Variants in PTPRK observed in about 807,000 individuals in gnomAD.
PTPRK encodes receptor-type tyrosine-protein phosphatase kappa.
In PTPRK, 75 loss-of-function variants were observed where a neutral mutation model predicts 178.0. The ratio of observed to expected loss-of-function variants is 0.42; its 90% CI spans 0.35 to 0.51. The LOEUF is 0.51. Ranked by LOEUF, PTPRK falls within the 20% of genes least tolerant of loss-of-function variation. The pLI, the probability that PTPRK is intolerant of heterozygous loss-of-function variation, is 0.02. For missense variants in PTPRK, 1,441 were observed against 1,797.8 expected (o/e 0.80, Z 3.59); for synonymous variants, 637 against 620.6 (o/e 1.03, Z -0.39).
chr6:128,344,947 G>A (rs1458294432), intron 2 of PTPRK, among the ~76,000 whole-genome samples: 2 of 151,770 alleles, frequency 1.3e-5, no homozygotes, highest in Non-Finnish European at 2.9e-5. Flanking sequence ...ATGATAAAGG[G>A]TAAAAAGTTA....
At chr6:128,185,192 T>C (rs541216756) in intron 6 of PTPRK, among the ~76,000 whole-genome samples, 2 of 152,284 alleles carry the variant, frequency 1.3e-5, no homozygotes, top group East Asian at 1.9e-4. Context: ...CAGAAAGTGA[T>C]GCCAGGTGCT....
intron 1 of PTPRK, chr6:128,409,183 C>T (rs1289106722): frequency 3.1e-6 from 1 of 319,218 alleles, no homozygotes; most frequent in Non-Finnish European, 6.1e-6. Flanking sequence ...ATAAGCTATC[C>T]AAGAAAAGAT....
At chr6:128,083,537 T>C in intron 9 of PTPRK, 178 bp downstream of exon 9, 1 of 409,052 alleles carries the variant, frequency 2.4e-6, no homozygotes, top group Non-Finnish European at 4.4e-6. Context: ...CCATACAAAA[T>C]ATTTATTTTG....
intron 12 of PTPRK, among the ~76,000 whole-genome samples, chr6:128,065,335 T>C (rs1403621975): frequency 6.6e-6 from 1 of 152,208 alleles, no homozygotes; most frequent in Non-Finnish European, 1.5e-5. Context: ...AGGAGTTAAA[T>C]GTTTCTCAGC....
At chr6:128,035,531 A>ATATCT (rs2114814381) in intron 13 of PTPRK, among the ~76,000 whole-genome samples, 1 of 152,312 alleles carries the variant, frequency 6.6e-6, no homozygotes, top group East Asian at 1.9e-4. Context: ...CCACTTGAAG[A>ATATCT]TATACTCATA....
At chr6:128,474,753 G>A (rs1329518549) in intron 1 of PTPRK, among the ~76,000 whole-genome samples, 1 of 152,060 alleles carries the variant, frequency 6.6e-6, no homozygotes, top group Admixed American at 6.6e-5. Context: ...CACAAGGGCA[G>A]GAAAAGATGC....
At chr6:128,063,940 T>C (rs1781311902) in intron 13 of PTPRK, among the ~76,000 whole-genome samples, 1 of 152,168 alleles carries the variant, frequency 6.6e-6, no homozygotes, top group South Asian at 2.1e-4. Flanking sequence ...TGGACACAAA[T>C]GTGGGTCTGC....
At chr6:127,983,144 T>C (rs1365016826) in intron 23 of PTPRK, 98 bp downstream of exon 23, 24 of 1,322,212 alleles carry the variant, frequency 1.8e-5, no homozygotes, top group East Asian at 1.8e-4. Context: ...GAAAAACATC[T>C]CTTTCGGTTG....
chr6:128,265,388 T>C (rs116897140), intron 3 of PTPRK, among the ~76,000 whole-genome samples: 1 of 152,286 alleles, frequency 6.6e-6, no homozygotes, highest in East Asian at 1.9e-4. Flanking sequence ...TAATTAGTCA[T>C]TTGCTAACAA....
chr6:128,382,554 C>T (rs1055460226), intron 2 of PTPRK, among the ~76,000 whole-genome samples: 7 of 151,248 alleles, frequency 4.6e-5, no homozygotes, highest in Admixed American at 2.0e-4. Flanking sequence ...ATTACAGGCA[C>T]GCACCACCAT....
At chr6:128,058,445 C>G (rs970648992) in intron 13 of PTPRK, among the ~76,000 whole-genome samples, 1 of 152,048 alleles carries the variant, frequency 6.6e-6, no homozygotes, top group Non-Finnish European at 1.5e-5. Flanking sequence ...TTTTGTATTT[C>G]CTTCTCTCTT....
chr6:128,002,950 C>T (rs1778006419), intron 15 of PTPRK, among the ~76,000 whole-genome samples: 1 of 151,854 alleles, frequency 6.6e-6, no homozygotes, highest in Non-Finnish European at 1.5e-5. Context: ...ACATTAAGGG[C>T]CATGTACTTT....
intron 13 of PTPRK, among the ~76,000 whole-genome samples, chr6:128,018,149 A>G (rs1301374135): frequency 6.6e-6 from 1 of 152,014 alleles, no homozygotes; most frequent in African/African-American, 2.4e-5. Context: ...AAGGGCAAAG[A>G]TATAATCTCA....
intron 7 of PTPRK, among the ~76,000 whole-genome samples, chr6:128,090,903 T>C (rs888835711): frequency 6.6e-6 from 1 of 152,212 alleles, no homozygotes; most frequent in African/African-American, 2.4e-5. Context: ...GGATTTCCGA[T>C]GCCTCTCTTA....
At chr6:128,137,706 T>C (rs1562653132) in intron 7 of PTPRK, among the ~76,000 whole-genome samples, 1 of 152,110 alleles carries the variant, frequency 6.6e-6, no homozygotes, top group South Asian at 2.1e-4. Flanking sequence ...GCATCCAAGA[T>C]AGTCTTTTAG....
intron 5 of PTPRK, among the ~76,000 whole-genome samples, chr6:128,237,608 A>G (rs1452900799): frequency 6.6e-6 from 1 of 152,206 alleles, no homozygotes; most frequent in East Asian, 1.9e-4. Context: ...CCTTTTATAA[A>G]TAAGCAAATT....
chr6:128,262,498 C>T (rs1033856583), intron 3 of PTPRK, among the ~76,000 whole-genome samples: 2 of 151,938 alleles, frequency 1.3e-5, no homozygotes, highest in African/African-American at 2.4e-5. Context: ...ACTAACTTCC[C>T]AAAGAAAAGA....
At chr6:128,444,318 T>A (rs1386286263) in intron 1 of PTPRK, among the ~76,000 whole-genome samples, 1 of 152,112 alleles carries the variant, frequency 6.6e-6, no homozygotes, top group African/African-American at 2.4e-5. Context: ...CCGATTCCCA[T>A]CCCCAGGTGA....
At chr6:127,980,363 G>A (rs930563788) in intron 25 of PTPRK, among the ~76,000 whole-genome samples, 2 of 151,804 alleles carry the variant, frequency 1.3e-5, no homozygotes, top group African/African-American at 2.4e-5. Context: ...GGTAGAGCAC[G>A]CTCCTGTATT....
Sources: allele counts gnomAD v4.1 joint callset (sites outside exome capture counted in the v4.1 genomes callset), GRCh38; gene constraint gnomAD v4.1.1; transcripts MANE v1.5; gene names NCBI Gene and HGNC (gene_info 2026-07-23, HGNC 2026-07-21).